The following COPA variants were observed in gnomAD, a reference collection of about 807,000 sequenced individuals.
COPA encodes the protein coatomer subunit alpha.
In COPA, 10 loss-of-function variants were observed where a neutral mutation model predicts 158.7. The ratio of observed to expected loss-of-function variants is 0.06; its 90% CI spans 0.04 to 0.11. The LOEUF (loss-of-function observed/expected upper bound fraction) is 0.11, where lower values mean the gene tolerates loss of function less well. Among genes scored for constraint, COPA ranks in the 10% least tolerant of loss-of-function variants. The pLI, the probability that COPA is intolerant of heterozygous loss-of-function variation, is 1.00. For synonymous variants in COPA, 462 were observed against 542.8 expected (o/e 0.85, Z 2.07); for missense variants, 1,065 against 1,536.7 (o/e 0.69, Z 5.13).
intron 7 of COPA, among the ~76,000 whole-genome samples, chr1:160,323,836 TTAA>T (rs1659408203): frequency 6.6e-6 from 1 of 152,236 alleles, no homozygotes; most frequent in Non-Finnish European, 1.5e-5. Flanking sequence ...CAAATAATTA[TTAA>T]TATCTCCAGA....
At chr1:160,324,550 G>A (rs951602883) in intron 7 of COPA, among the ~76,000 whole-genome samples, 11 of 149,600 alleles carry the variant, frequency 7.4e-5, no homozygotes, top group Middle Eastern at 3.2e-3. Context: ...CTCTGGCCTC[G>A]GTCTCCCAAA....
chr1:160,327,378 C>G (rs1410090137), intron 6 of COPA, among the ~76,000 whole-genome samples: 2 of 142,910 alleles, frequency 1.4e-5, no homozygotes, highest in African/African-American at 5.2e-5. Flanking sequence ...CTCTACTAAA[C>G]ATACAAAAAT....
intron 4 of COPA, 59 bp from the exon 5 acceptor site, chr1:160,333,738 T>G (rs576293954): frequency 8.0e-6 from 11 of 1,369,458 alleles, no homozygotes; most frequent in South Asian, 3.7e-5. Context: ...TATCAGGTTC[T>G]TGTAATCATT....
intron 6 of COPA, among the ~76,000 whole-genome samples, chr1:160,328,612 G>A (rs1178069418): frequency 6.6e-6 from 1 of 152,184 alleles, no homozygotes; most frequent in African/African-American, 2.4e-5. Flanking sequence ...GGATTTGGCA[G>A]CAAATTAATA....
At chr1:160,294,887 G>T in intron 23 of COPA, 30 bp from the exon 24 acceptor site, 1 of 1,598,488 alleles carries the variant, frequency 6.3e-7, no homozygotes, top group Non-Finnish European at 8.6e-7. Context: ...AACGGAACTG[G>T]TTATAGTCCA....
At chr1:160,333,437 C>A (rs1250833605) in intron 5 of COPA, 166 bp downstream of exon 5, 2 of 526,484 alleles carry the variant, frequency 3.8e-6, no homozygotes, top group Admixed American at 6.8e-5. Flanking sequence ...ATGGGATTGC[C>A]TCTACATTTA....
At position 160,306,453 on chromosome 1, in the gene COPA, A is replaced by G; in HGVS notation, c.1343T>C (p.Val448Ala). The change falls in exon 15 of 33, where the codon GTA becomes GCA. Residue 448 changes from valine to alanine, a missense_variant. Physicochemically the swap from Val to Ala is moderately conservative, Grantham distance 64. This residue lies in a region of COPA where 980 missense variants were observed against 1,357.8 expected (regional missense o/e 0.72). Transcript: ENST00000241704. ...GATCTCATCACAGTTGGGCACCTGT[A>G]CCTTTTTGGTGATCTCATTCTTCAG... ...KNLKNEITKKVQVPNCDEIFY... is the reference protein window; with the variant it reads ...KNLKNEITKKAQVPNCDEIFY... 6.2e-7 allele frequency: 1 copy of G among 1,614,180 alleles called. No individual in the cohort carries two copies.
rs754350440 is a variant in COPA at position 160,343,220 on chromosome 1, G to C, written c.-50C>G. On this transcript the variant is annotated 5_prime_UTR_variant, in exon 1 of 33. Coordinates refer to ENST00000241704, the MANE Select transcript of COPA (RefSeq NM_004371.4). Reference sequence around the variant, plus strand: ...CTTAATCCGAGCCCCGACACACCCTGCTGCCCTTCGGACGCCTCCACGTCA... The same window carrying C: ...CTTAATCCGAGCCCCGACACACCCTCCTGCCCTTCGGACGCCTCCACGTCA... 3 of 1,612,370 alleles carry C rather than the reference G, an allele frequency of 1.9e-6. No individual in the cohort carries two copies. Among genetic ancestry groups the C allele is most frequent in the Non-Finnish European group, 2.5e-6 (3 of 1,178,554 alleles).
intron 19 of COPA, 21 bp from the exon 20 acceptor site, chr1:160,297,766 T>G (rs776154363): frequency 3.0e-5 from 49 of 1,609,856 alleles, no homozygotes; most frequent in Non-Finnish European, 4.0e-5. Flanking sequence ...CCCAGGGTCG[T>G]GTTAACAGGT....
intron 10 of COPA, 70 bp from the exon 11 acceptor site, chr1:160,312,088 C>G: frequency 6.6e-7 from 1 of 1,511,544 alleles, no homozygotes; most frequent in South Asian, 1.2e-5. Context: ...ATTGGAGATA[C>G]GTAAGGATGA....
chr1:160,337,056 T>C (rs777230865), intron 3 of COPA, among the ~76,000 whole-genome samples: 1 of 152,224 alleles, frequency 6.6e-6, no homozygotes, highest in African/African-American at 2.4e-5. Flanking sequence ...AATACACATG[T>C]ACACAGTAGA....
intron 8 of COPA, among the ~76,000 whole-genome samples, chr1:160,318,485 A>AAC (rs1659225689): frequency 7.3e-5 from 5 of 68,910 alleles, no homozygotes; most frequent in Non-Finnish European, 1.2e-4. Context: ...AAAAAAAAAA[A>AAC]AAAAAACAAA....
Position 160,312,010 on chromosome 1 carries a change from C to T in COPA, c.934G>A (p.Gly312Ser). ...NLNLFAAGHD[G>S]GMIVFKLERE... is the part of the protein sequence containing the mutation. Reference sequence around the variant, plus strand: ...TCCAGCTTAAACACAATCATACCACCATCATGGCCTGGGGGACAGGGAGAG... The same window carrying T: ...TCCAGCTTAAACACAATCATACCACTATCATGGCCTGGGGGACAGGGAGAG... The change falls in exon 11 of 33, where the codon GGT (glycine) becomes AGT (serine). Residue 312 changes from glycine (G) to serine (S), a missense_variant. By Grantham distance (56) the Gly-to-Ser change is moderately conservative (BLOSUM62 0). Around this residue, in one of 2 missense-constraint regions of COPA, gnomAD observed 980 missense variants for 1,357.8 expected, o/e 0.72. Coordinates refer to ENST00000241704, the MANE Select transcript of COPA (RefSeq NM_004371.4). The T allele has an allele frequency of 6.2e-7, 1 of 1,613,382 alleles. No homozygotes were observed. Among genetic ancestry groups the T allele is most frequent in the Non-Finnish European group, 8.5e-7 (1 of 1,179,572 alleles).
intron 1 of COPA, among the ~76,000 whole-genome samples, chr1:160,342,130 T>C (rs1211951151): frequency 6.6e-6 from 1 of 152,170 alleles, no homozygotes; most frequent in Non-Finnish European, 1.5e-5. Flanking sequence ...TCCATATACT[T>C]TCTCATTTTA....
Position 160,313,061 on chromosome 1 carries a change from A to G in COPA, c.925+24T>C, listed in dbSNP as rs185971591. ...TTATAAACTTTGAATTAAGCAAAGAAAAAAGAGAGAAAATGGCCCTTACCT... is the reference window on the plus strand; with the variant it reads ...TTATAAACTTTGAATTAAGCAAAGAGAAAAGAGAGAAAATGGCCCTTACCT... On this transcript the variant is annotated intron_variant, in intron 10 of 32. Transcript: ENST00000241704. 2.4e-3 allele frequency: 3,799 copies of G among 1,603,754 alleles called. 7 individuals carry two copies. The highest frequency in any genetic ancestry group is 2.9e-3 in the Non-Finnish European group (3,363 of 1,173,594).
chr1:160,290,926 A>G (rs960010189), intron 31 of COPA, among the ~76,000 whole-genome samples: 1 of 152,084 alleles, frequency 6.6e-6, no homozygotes, highest in Non-Finnish European at 1.5e-5. Context: ...TCCTCCACCA[A>G]CTCTAGAGAT....
At chr1:160,314,670 T>G (rs1253360548) in intron 8 of COPA, among the ~76,000 whole-genome samples, 1 of 152,136 alleles carries the variant, frequency 6.6e-6, no homozygotes, top group African/African-American at 2.4e-5. Flanking sequence ...TCCATCCCTT[T>G]ATCCTGTTTT....
rs1033842549 is a variant in COPA at position 160,317,706 on chromosome 1, G to A, written c.707-3581C>T. 3.5e-6 allele frequency: 5 copies of A among 1,441,262 alleles called. No individual in the cohort carries two copies. The African/African-American group carries it at 4.2e-5, about 12-fold the overall frequency. The allele number at this position is 1,441,262 out of a possible 1,614,324, so 89.3% of individuals were successfully genotyped here. On this transcript the variant is annotated intron_variant, in intron 8 of 32. Transcript: ENST00000241704. ...AAATGGGGGGTCATTCAACAGTTTA[G>A]ATATTCTTTTTATTTTTTTTCTTTT...
chr1:160,312,967 G>A, intron 10 of COPA, 118 bp downstream of exon 10: 2 of 866,436 alleles, frequency 2.3e-6, no homozygotes, highest in Middle Eastern at 2.3e-4. Flanking sequence ...GTGGCTCTGA[G>A]AGTCCTTCTT....
Sources: allele counts gnomAD v4.1 joint callset (sites outside exome capture counted in the v4.1 genomes callset), GRCh38; gene constraint gnomAD v4.1.1; regional missense constraint gnomAD v4.1.1; transcripts MANE v1.5; gene names NCBI Gene and HGNC (gene_info 2026-07-23, HGNC 2026-07-21).